The following LUC7L variants were observed in gnomAD, a reference collection of about 807,000 sequenced individuals.
The protein encoded by LUC7L is LUC7 like, also known as putative RNA-binding protein Luc7-like 1.
Under a neutral mutation model 51.1 loss-of-function variants are expected in LUC7L, and 29 were observed. That is an observed-to-expected ratio of 0.57 (90% CI 0.42 to 0.77). The LOEUF is 0.77. LUC7L is among the 30% of genes least tolerant of loss of function. The pLI is 0.00. For missense variants in LUC7L, 403 were observed against 511.9 expected (o/e 0.79, Z 2.05); for synonymous variants, 181 against 180.7 (o/e 1.00, Z -0.01).
At chr16:199,262 A>C in intron 5 of LUC7L, 24 bp from the exon 6 acceptor site, 1 of 1,553,056 alleles carries the variant, frequency 6.4e-7, no homozygotes, top group Non-Finnish European at 8.8e-7. Flanking sequence ...ATGGAGAAAT[A>C]AAAGTGAGGT....
At chr16:219,194 G>A (rs2049896271) in intron 3 of LUC7L, among the ~76,000 whole-genome samples, 1 of 151,900 alleles carries the variant, frequency 6.6e-6, no homozygotes, top group Non-Finnish European at 1.5e-5. Flanking sequence ...ATCGAGACCA[G>A]CCTGGCCAAC....
chr16:228,374 T>G (rs1170429957), intron 1 of LUC7L: 1 of 1,303,946 alleles, frequency 7.7e-7, no homozygotes, highest in South Asian at 1.2e-5. Context: ...CCTTGCAGAT[T>G]GATGTAGGCA....
chr16:213,425 A>G (rs1409511780), intron 3 of LUC7L, among the ~76,000 whole-genome samples: 4 of 151,934 alleles, frequency 2.6e-5, no homozygotes, highest in Non-Finnish European at 1.5e-5. Flanking sequence ...AGGGAGACAC[A>G]GCGTCATCTT....
rs1010627994 is a variant in LUC7L at position 217,988 on chromosome 16, G to A, written c.255+2661C>T. Among the ~76,000 whole-genome samples the A allele has an allele frequency of 2.7e-5, 4 of 148,352 alleles. 1 individual carries two copies. In the South Asian group the frequency reaches 8.5e-4, roughly 32 times the overall value. On this transcript the variant is annotated intron_variant, in intron 3 of 9. Transcript: ENST00000293872. The stretch of plus-strand genomic sequence containing the variant: ...TGCAGTGAGCCGAGATCATGCCACT[G>A]TACTACAGCCTGGGCGACAAGAGCA...
At chr16:198,244 A>C (rs2049213339) in intron 6 of LUC7L, among the ~76,000 whole-genome samples, 1 of 127,082 alleles carries the variant, frequency 7.9e-6, no homozygotes, top group Non-Finnish European at 1.6e-5. Flanking sequence ...GGGCCACTGC[A>C]CTCCAGCCTG....
At chr16:195,344 CAGG>C (rs2049119923) in intron 6 of LUC7L, among the ~76,000 whole-genome samples, 1 of 151,876 alleles carries the variant, frequency 6.6e-6, no homozygotes, top group Non-Finnish European at 1.5e-5. Context: ...CACTTGAGTC[CAGG>C]AGTTCCAGGT....
Position 189,330 on chromosome 16 carries a change from T to G in LUC7L, c.984A>C (p.Arg328Ser). ...AGGACTCCTCTCTGGATGCCCGCTC[T>G]CTGGAGAACCTGGGAAATGGGAACC... ...RDRSAKYKFS[R>S]ERASREESWE... Residue 328 changes from arginine to serine, a missense_variant, in exon 10 of 10, where the codon AGA becomes AGC. By Grantham distance (110) the Arg-to-Ser change is moderately radical. Around this residue, in one of 3 missense-constraint regions of LUC7L, gnomAD observed 206 missense variants for 218.3 expected, o/e 0.94. Transcript: ENST00000293872. The G allele has an allele frequency of 6.2e-7, 1 of 1,609,496 alleles. No individual in the cohort carries two copies. The highest frequency in any genetic ancestry group is 8.5e-7 in the Non-Finnish European group (1 of 1,178,208).
At chr16:194,893 C>G (rs916712674) in intron 6 of LUC7L, among the ~76,000 whole-genome samples, 2 of 152,156 alleles carry the variant, frequency 1.3e-5, no homozygotes, top group Non-Finnish European at 2.9e-5. Flanking sequence ...AAGTGAAGCC[C>G]TGAGTGGGAG....
intron 1 of LUC7L, chr16:228,234 T>C (rs1375339006): frequency 1.5e-6 from 2 of 1,296,654 alleles, no homozygotes; most frequent in East Asian, 5.6e-5. Context: ...TGTCTTTTTA[T>C]TGAAAATGTT....
At chr16:210,912 G>A (rs1175800293) in intron 3 of LUC7L, among the ~76,000 whole-genome samples, 3 of 152,026 alleles carry the variant, frequency 2.0e-5, no homozygotes, top group Admixed American at 6.6e-5. Context: ...TTAGCCGGGC[G>A]TGGTGGCGGG....
intron 3 of LUC7L, among the ~76,000 whole-genome samples, chr16:217,350 T>C (rs1221650464): frequency 6.6e-6 from 1 of 152,130 alleles, no homozygotes; most frequent in Non-Finnish European, 1.5e-5. Flanking sequence ...ATTGCATTCC[T>C]GTGTCAAATG....
chr16:221,987 C>CATCT (rs1432243631), intron 2 of LUC7L, among the ~76,000 whole-genome samples: 2 of 152,178 alleles, frequency 1.3e-5, no homozygotes, highest in Non-Finnish European at 2.9e-5. Flanking sequence ...TGACCCTGGA[C>CATCT]ATCTAAGTGA....
At chr16:217,094 G>A (rs1350002696) in intron 3 of LUC7L, among the ~76,000 whole-genome samples, 3 of 151,980 alleles carry the variant, frequency 2.0e-5, no homozygotes, top group Non-Finnish European at 2.9e-5. Context: ...TCAGCACACT[G>A]CAACCTTCAC....
intron 6 of LUC7L, among the ~76,000 whole-genome samples, chr16:195,907 T>C (rs556023457): frequency 6.4e-4 from 98 of 152,258 alleles, no homozygotes; most frequent in African/African-American, 2.3e-3. Context: ...CCAAATACAT[T>C]GTGCACTGTT....
chr16:199,271 G>C (rs117910937), intron 5 of LUC7L, 33 bp from the exon 6 acceptor site: 1 of 1,492,664 alleles, frequency 6.7e-7, no homozygotes, highest in Admixed American at 1.8e-5. Flanking sequence ...TAAAAGTGAG[G>C]TATATAGAAC....
intron 3 of LUC7L, chr16:208,731 TCTAA>T: frequency 3.0e-6 from 2 of 657,334 alleles, no homozygotes; most frequent in Non-Finnish European, 3.8e-6. Context: ...TTGCCTACTA[TCTAA>T]AGTAGCAGGA....
chr16:207,865 C>T (rs2049527067), intron 4 of LUC7L, among the ~76,000 whole-genome samples: 1 of 152,090 alleles, frequency 6.6e-6, no homozygotes, highest in Non-Finnish European at 1.5e-5. Flanking sequence ...AAAAATTAGC[C>T]GGGCATGGTG....
At chr16:189,892 G>A (rs202217161) in intron 9 of LUC7L, 76 bp downstream of exon 9, 40 of 1,545,784 alleles carry the variant, frequency 2.6e-5, no homozygotes, top group East Asian at 1.1e-4. Flanking sequence ...CACCAGACAC[G>A]GCCCTCAGCA....
chr16:197,800 G>A (rs1322350762), intron 6 of LUC7L, among the ~76,000 whole-genome samples: 4 of 152,074 alleles, frequency 2.6e-5, no homozygotes, highest in Non-Finnish European at 2.9e-5. Flanking sequence ...TGCAGTCAGC[G>A]ACACGTCTGT....
Sources: gnomAD v4.1 joint callset for allele counts (sites outside exome capture counted in the v4.1 genomes callset) on GRCh38, gnomAD v4.1.1 for gene constraint, gnomAD v4.1.1 regional missense constraint, MANE v1.5 for transcripts, NCBI Gene and HGNC (gene_info 2026-07-23, HGNC 2026-07-21) for gene names.